The following FOXN3 variants were observed in gnomAD, a reference collection of about 807,000 sequenced individuals.
FOXN3 encodes the protein forkhead box protein N3.
Under a neutral mutation model 38.4 loss-of-function variants are expected in FOXN3, and 7 were observed. The ratio of observed to expected loss-of-function variants is 0.18; its 90% confidence interval spans 0.10 to 0.34. The LOEUF is 0.34. Ranked by LOEUF, FOXN3 falls within the 10% of genes least tolerant of loss-of-function variation. FOXN3 has a pLI of 1.00. For missense variants in FOXN3, 456 were observed against 613.4 expected, an observed-to-expected ratio of 0.74 and a Z score of 2.71; for synonymous variants, 230 against 242.2, an observed-to-expected ratio of 0.95 and a Z score of 0.47.
chr14:89,161,305 C>CT lies in FOXN3; in HGVS notation c.*1108dup, dbSNP rs201008151. 1,636 of 135,350 alleles carry CT rather than the reference C, an allele frequency of 0.012. 170 individuals carry two copies. In the East Asian group the frequency reaches 0.27, roughly 23 times the overall value. 8.4% of individuals were successfully genotyped at this position (135,350 alleles called of 1,614,324 possible). On this transcript the variant is annotated 3_prime_UTR_variant, in exon 6 of 6. Transcript: ENST00000557258. ...TTATTTTATTTTTTGCCATGTTTTA[C>CT]TTTTTTTTTTTGTCCATCAGTGTAC... is the stretch of plus-strand genomic sequence containing the variant.
At chr14:89,483,947 A>C (rs2139764353) in intron 1 of FOXN3, among the ~76,000 whole-genome samples, 1 of 152,384 alleles carries the variant, frequency 6.6e-6, no homozygotes, top group East Asian at 1.9e-4. Context: ...ACCCAGAGCC[A>C]AGTAAAAAGA....
intron 1 of FOXN3, among the ~76,000 whole-genome samples, chr14:89,587,493 T>C (rs781157072): frequency 2.6e-5 from 4 of 152,132 alleles, no homozygotes; most frequent in Non-Finnish European, 4.4e-5. Context: ...AGAGGGTGTA[T>C]GCCTCATGTA....
At chr14:89,437,130 G>A (rs868511701) in intron 1 of FOXN3, among the ~76,000 whole-genome samples, 6 of 151,594 alleles carry the variant, frequency 4.0e-5, no homozygotes, top group South Asian at 4.2e-4. Context: ...CCAAGATCGC[G>A]CCACTGCACT....
intron 4 of FOXN3, among the ~76,000 whole-genome samples, chr14:89,246,979 GA>G (rs1566938009): frequency 6.6e-6 from 1 of 152,134 alleles, no homozygotes; most frequent in Non-Finnish European, 1.5e-5. Context: ...ACAGGAGAAA[GA>G]GACTTCCCTT....
chr14:89,223,770 C>G (rs1446345440), intron 4 of FOXN3, among the ~76,000 whole-genome samples: 2 of 152,198 alleles, frequency 1.3e-5, no homozygotes, highest in Admixed American at 6.5e-5. Context: ...GGAAGCAGGT[C>G]TTTCCATGCT....
intron 1 of FOXN3, among the ~76,000 whole-genome samples, chr14:89,475,592 C>G (rs1893194094): frequency 1.3e-5 from 2 of 152,146 alleles, no homozygotes; most frequent in Non-Finnish European, 2.9e-5. Flanking sequence ...GAGTTTAAGG[C>G]TGCAGTGGGC....
chr14:89,581,595 C>T (rs1299534006), intron 1 of FOXN3, among the ~76,000 whole-genome samples: 1 of 152,148 alleles, frequency 6.6e-6, no homozygotes, highest in Non-Finnish European at 1.5e-5. Context: ...CTGCTCTTTT[C>T]CCTCAAAACC....
intron 1 of FOXN3, among the ~76,000 whole-genome samples, chr14:89,617,007 C>T (rs998807625): frequency 5.3e-5 from 8 of 151,914 alleles, no homozygotes; most frequent in South Asian, 2.1e-4. Context: ...TGATGACATG[C>T]AGGTTTTGTT....
chr14:89,346,008 G>A lies in FOXN3; in HGVS notation c.680+4664C>T, dbSNP rs370541102. Among the ~76,000 whole-genome samples the A allele has an allele frequency of 5.8e-4, 89 of 152,290 alleles. 1 individual carries two copies. In the South Asian group the frequency reaches 9.9e-3, roughly 17 times the overall value. On this transcript the variant is annotated intron_variant, in intron 3 of 5. Coordinates refer to ENST00000557258, the MANE Select transcript of FOXN3 (RefSeq NM_005197.4). ...GCAGAGATCGCAGTGAGCCGAGATC[G>A]CGGCACTGCACTCCAGCCTGGCGAC...
intron 3 of FOXN3, among the ~76,000 whole-genome samples, chr14:89,329,363 A>G (rs1365735838): frequency 6.6e-6 from 1 of 152,156 alleles, no homozygotes; most frequent in Non-Finnish European, 1.5e-5. Context: ...CTCGGAACAT[A>G]GCAGAAGGGA....
At chr14:89,465,424 T>C (rs1294909548) in intron 1 of FOXN3, among the ~76,000 whole-genome samples, 1 of 152,088 alleles carries the variant, frequency 6.6e-6, no homozygotes, top group East Asian at 1.9e-4. Context: ...GAGACGGGTT[T>C]TCAACACATT....
At chr14:89,403,079 C>CT (rs1891294163) in intron 2 of FOXN3, among the ~76,000 whole-genome samples, 1 of 152,186 alleles carries the variant, frequency 6.6e-6, no homozygotes, top group South Asian at 2.1e-4. Flanking sequence ...TCACACTGAT[C>CT]GGCACACTTC....
At chr14:89,392,301 GT>G (rs1444199589) in intron 2 of FOXN3, among the ~76,000 whole-genome samples, 2 of 152,150 alleles carry the variant, frequency 1.3e-5, no homozygotes, top group Non-Finnish European at 2.9e-5. Context: ...CTTCCATTAG[GT>G]TTTATTCCTG....
chr14:89,615,323 G>A (rs1896475764), intron 1 of FOXN3, among the ~76,000 whole-genome samples: 1 of 152,130 alleles, frequency 6.6e-6, no homozygotes. Context: ...AAAAACAGCA[G>A]CTTCAGTGAG....
intron 3 of FOXN3, among the ~76,000 whole-genome samples, chr14:89,337,910 G>A (rs138068926): frequency 4.6e-5 from 7 of 152,296 alleles, no homozygotes; most frequent in East Asian, 1.9e-4. Context: ...GGTTACAGGC[G>A]TGAGCCACCG....
intron 2 of FOXN3, among the ~76,000 whole-genome samples, chr14:89,392,266 A>G (rs760273269): frequency 2.0e-5 from 3 of 152,168 alleles, no homozygotes; most frequent in South Asian, 2.1e-4. Flanking sequence ...AAAAGGACAC[A>G]ATCCCACTGC....
chr14:89,511,141 T>TTTCTTTTCTTTC lies in FOXN3; in HGVS notation c.-14-98652_-14-98651insGAAAGAAAAGAA, dbSNP rs1555358045. Among the ~76,000 whole-genome samples the TTTCTTTTCTTTC allele has an allele frequency of 4.8e-4, 10 of 21,004 alleles. 3 individuals are homozygous for TTTCTTTTCTTTC. The highest frequency in any genetic ancestry group is 3.0e-3 in the South Asian group (2 of 664). The allele number at this position is 21,004 out of a possible 152,430, so 13.8% of individuals were successfully genotyped here. On this transcript the variant is annotated intron_variant, in intron 1 of 6. Transcript: ENST00000345097. Reference sequence around the variant, plus strand: ...CTTGGTGTCTTTCTTTCTTTCTTTCTTTTCTTTCTTTCTTTCTTTCTTTCT... The same window carrying TTTCTTTTCTTTC: ...CTTGGTGTCTTTCTTTCTTTCTTTCTTTCTTTTCTTTCTTTCTTTCTTTCTTTCTTTCTTTCT...
At chr14:89,427,472 A>ATT (rs1195606471) in intron 1 of FOXN3, among the ~76,000 whole-genome samples, 57 of 124,856 alleles carry the variant, frequency 4.6e-4, no homozygotes, top group East Asian at 7.2e-4. Context: ...CGCCCGGCTG[A>ATT]TTTTTTTTTT....
chr14:89,329,712 A>G (rs1196667080), intron 3 of FOXN3, among the ~76,000 whole-genome samples: 2 of 151,924 alleles, frequency 1.3e-5, no homozygotes, highest in Non-Finnish European at 2.9e-5. Context: ...AAAACAAATT[A>G]GCCGGGTGTG....
Sources: gnomAD v4.1 joint callset for allele counts (sites outside exome capture counted in the v4.1 genomes callset) on GRCh38, gnomAD v4.1.1 for gene constraint, MANE v1.5 for transcripts, NCBI Gene and HGNC (gene_info 2026-07-23, HGNC 2026-07-21) for gene names.